SYNPO2: variants seen among roughly 807,000 people sequenced by gnomAD.
The protein encoded by SYNPO2 is synaptopodin 2.
SYNPO2 carries 56 observed loss-of-function variants against 85.0 expected under a neutral mutation model. That is an observed-to-expected ratio of 0.66 (90% CI 0.53 to 0.82). The LOEUF (loss-of-function observed/expected upper bound fraction) is 0.82. SYNPO2 is among the 40% of genes least tolerant of loss of function. The pLI is 0.00. For missense variants in SYNPO2, 1,575 were observed against 1,534.2 expected, an observed-to-expected ratio of 1.03 and a Z score of -0.44; for synonymous variants, 602 against 591.1, an observed-to-expected ratio of 1.02 and a Z score of -0.27.
At chr4:118,902,810 A>G (rs1732804323) in intron 1 of SYNPO2, among the ~76,000 whole-genome samples, 1 of 152,200 alleles carries the variant, frequency 6.6e-6, no homozygotes, top group African/African-American at 2.4e-5. Flanking sequence ...GTACTAGATC[A>G]CTTAGTACTT....
At chr4:118,964,018 C>T (rs1035481858) in intron 1 of SYNPO2, among the ~76,000 whole-genome samples, 5 of 152,134 alleles carry the variant, frequency 3.3e-5, no homozygotes, top group African/African-American at 1.2e-4. Context: ...CCTATTAGGA[C>T]GTACATGGGT....
chr4:119,013,093 T>C (rs1737391301), intron 1 of SYNPO2, among the ~76,000 whole-genome samples: 2 of 152,142 alleles, frequency 1.3e-5, no homozygotes, highest in African/African-American at 4.8e-5. Context: ...AATACTAAGG[T>C]GTTACTTGTC....
intron 1 of SYNPO2, among the ~76,000 whole-genome samples, chr4:118,968,793 C>T (rs10033277): frequency 4.5e-4 from 68 of 152,284 alleles, no homozygotes; most frequent in African/African-American, 1.6e-3. Flanking sequence ...GGAGGCCTCT[C>T]TTTTCAAAGT....
intron 1 of SYNPO2, among the ~76,000 whole-genome samples, chr4:118,943,965 G>A (rs1030036752): frequency 1.3e-5 from 2 of 152,108 alleles, no homozygotes; most frequent in Admixed American, 1.3e-4. Flanking sequence ...TGGAAGTAAC[G>A]CCACATTTGT....
intron 1 of SYNPO2, among the ~76,000 whole-genome samples, chr4:118,955,308 TAAC>T (rs777590507): frequency 3.0e-4 from 45 of 152,140 alleles, no homozygotes; most frequent in African/African-American, 8.2e-4. Context: ...CCATGCTTTT[TAAC>T]AACATGCCAA....
At chr4:118,881,894 C>G (rs528285390) in intron 1 of SYNPO2, among the ~76,000 whole-genome samples, 1 of 152,320 alleles carries the variant, frequency 6.6e-6, no homozygotes, top group South Asian at 2.1e-4. Context: ...GTTGCATCAG[C>G]CTCTAGTGTG....
At chr4:118,965,893 G>A (rs1735299611) in intron 1 of SYNPO2, among the ~76,000 whole-genome samples, 1 of 151,136 alleles carries the variant, frequency 6.6e-6, no homozygotes, top group South Asian at 2.1e-4. Flanking sequence ...GACCCGACTG[G>A]GCAAAATATG....
chr4:119,056,613 A>G (rs1401829933), intron 4 of SYNPO2, among the ~76,000 whole-genome samples: 1 of 152,214 alleles, frequency 6.6e-6, no homozygotes, highest in African/African-American at 2.4e-5. Context: ...TATTAAGTAT[A>G]CACAGAGGAA....
chr4:118,927,741 T>C (rs868507502), intron 1 of SYNPO2, among the ~76,000 whole-genome samples: 7 of 122,248 alleles, frequency 5.7e-5, no homozygotes, highest in Non-Finnish European at 9.0e-5. Context: ...GATAGATAGA[T>C]AGATAGATGA....
intron 1 of SYNPO2, among the ~76,000 whole-genome samples, chr4:118,971,246 T>C (rs1270382023): frequency 6.6e-6 from 1 of 152,250 alleles, no homozygotes; most frequent in Non-Finnish European, 1.5e-5. Flanking sequence ...CAGATAATTA[T>C]TATGTGTCTT....
chr4:118,958,757 G>C (rs1734968475), intron 1 of SYNPO2, among the ~76,000 whole-genome samples: 1 of 152,140 alleles, frequency 6.6e-6, no homozygotes, highest in Admixed American at 6.5e-5. Flanking sequence ...TTTCTTCCAG[G>C]AGCAAGGTGA....
chr4:119,051,148 A>T (rs114264674), intron 4 of SYNPO2, among the ~76,000 whole-genome samples: 322 of 150,710 alleles, frequency 2.1e-3, no homozygotes, highest in African/African-American at 7.2e-3. Context: ...GATGTAATCC[A>T]TGTTAGCAGA....
intron 1 of SYNPO2, among the ~76,000 whole-genome samples, chr4:118,875,591 T>A (rs964766323): frequency 1.3e-5 from 2 of 152,218 alleles, no homozygotes; most frequent in Non-Finnish European, 2.9e-5. Context: ...TTCCATTATC[T>A]AGCATGTTCC....
At chr4:119,032,340 T>G in intron 4 of SYNPO2, 1 of 1,267,408 alleles carries the variant, frequency 7.9e-7, no homozygotes, top group Admixed American at 3.6e-5. Context: ...ATTTGTGCTG[T>G]AGCCACAAGA....
intron 1 of SYNPO2, among the ~76,000 whole-genome samples, chr4:118,981,332 G>C (rs551875223): frequency 6.6e-6 from 1 of 152,282 alleles, no homozygotes; most frequent in African/African-American, 2.4e-5. Flanking sequence ...TCCTAAGCCT[G>C]CTCACATAAA....
intron 1 of SYNPO2, among the ~76,000 whole-genome samples, chr4:118,919,110 A>T (rs1733450544): frequency 6.6e-6 from 1 of 152,204 alleles, no homozygotes; most frequent in Admixed American, 6.5e-5. Context: ...AGTCATGTGC[A>T]CAAGTATTCA....
chr4:118,977,916 A>C (rs1735853996), intron 1 of SYNPO2, among the ~76,000 whole-genome samples: 1 of 152,196 alleles, frequency 6.6e-6, no homozygotes, highest in South Asian at 2.1e-4. Context: ...GGAGTTCTGC[A>C]AGCCTGGTTC....
intron 1 of SYNPO2, among the ~76,000 whole-genome samples, chr4:119,008,901 T>C (rs1737184916): frequency 6.6e-6 from 1 of 152,132 alleles, no homozygotes; most frequent in South Asian, 2.1e-4. Context: ...GTTTTTTCTA[T>C]AAAGCAAGCA....
intron 1 of SYNPO2, among the ~76,000 whole-genome samples, chr4:118,983,461 A>C (rs1407024678): frequency 1.3e-5 from 2 of 152,186 alleles, no homozygotes; most frequent in Non-Finnish European, 2.9e-5. Flanking sequence ...ACTCATCTCC[A>C]GGTGGCTCAA....
Sources: allele counts gnomAD v4.1 joint callset (sites outside exome capture counted in the v4.1 genomes callset), GRCh38; gene constraint gnomAD v4.1.1; transcripts MANE v1.5; gene names NCBI Gene and HGNC (gene_info 2026-07-23, HGNC 2026-07-21).